Variants in CDH9 observed in about 807,000 individuals in gnomAD.
The protein encoded by CDH9 is cadherin 9.
In CDH9, 28 loss-of-function variants were observed where a neutral mutation model predicts 70.9. The observed-to-expected ratio is 0.40, with a 90% CI of 0.29 to 0.54. CDH9 has a LOEUF of 0.54. Ranked by LOEUF, CDH9 falls within the 20% of genes least tolerant of loss-of-function variation. The pLI, the probability that CDH9 is intolerant of heterozygous loss-of-function variation, is 0.59. For missense variants in CDH9, 874 were observed against 984.4 expected (o/e 0.89, Z 1.50); for synonymous variants, 409 against 343.1 (o/e 1.19, Z -2.12).
intron 7 of CDH9, among the ~76,000 whole-genome samples, chr5:26,897,750 A>T (rs1368112059): frequency 6.6e-6 from 1 of 152,178 alleles, no homozygotes; most frequent in African/African-American, 2.4e-5. Context: ...TCCCTTTGAA[A>T]ACTGGCACAA....
intron 1 of CDH9, among the ~76,000 whole-genome samples, chr5:27,005,712 A>T (rs1742851221): frequency 6.6e-6 from 1 of 152,180 alleles, no homozygotes; most frequent in Admixed American, 6.6e-5. Flanking sequence ...AGACACATGT[A>T]TGTGTATGTT....
chr5:27,002,532 A>G (rs1030664206), intron 1 of CDH9, among the ~76,000 whole-genome samples: 2 of 152,194 alleles, frequency 1.3e-5, no homozygotes, highest in African/African-American at 4.8e-5. Context: ...AATGTCCATC[A>G]ATGATAGACT....
At chr5:26,935,602 G>T (rs75251952) in intron 2 of CDH9, among the ~76,000 whole-genome samples, 14,552 of 152,086 alleles carry the variant, frequency 0.096, 875 homozygotes, top group East Asian at 0.17. Context: ...AGTCAAAAAA[G>T]AATAGATGTT....
Position 26,969,649 on chromosome 5 carries a change from A to T in CDH9, c.228+18457T>A, listed in dbSNP as rs141433898. On this transcript the variant is annotated intron_variant, in intron 2 of 11. Coordinates refer to ENST00000231021, the MANE Select transcript of CDH9 (RefSeq NM_016279.4). ...AAGATTCTTGTAAATATTTGTTGTG[A>T]AACTGAAATGTCACAGAGAAGGGCT... Among the ~76,000 whole-genome samples the T allele has an allele frequency of 6.4e-3, 975 of 152,170 alleles. 11 individuals carry two copies. Among genetic ancestry groups the T allele is most frequent in the African/African-American group, 0.022 (916 of 41,552 alleles).
chr5:27,029,299 G>A lies in CDH9; in HGVS notation c.-50+9164C>T, dbSNP rs560338283. 2.6e-5 allele frequency among the ~76,000 whole-genome samples: 4 copies of A among 152,088 alleles called. No individual in the cohort carries two copies. In the South Asian group the frequency reaches 8.3e-4, roughly 32 times the overall value. ...TTCACACAGGGTTAGTTCCTGGTAG[G>A]ATATGATCTATAAAATATTTCTCAC... On this transcript the variant is annotated intron_variant, in intron 1 of 11. Transcript: ENST00000231021.
In CDH9 at chr5:27,003,844, A is replaced by G. The variant is rs79991781; in HGVS notation, c.-49-15462T>C. ...GGAGGTATAAATTAAGGAAATCTGAATAAACTATAAAGTTTAAATATAAAA... is the reference window on the plus strand; with the variant it reads ...GGAGGTATAAATTAAGGAAATCTGAGTAAACTATAAAGTTTAAATATAAAA... On this transcript the variant is annotated intron_variant, in intron 1 of 11. Coordinates refer to ENST00000231021, the MANE Select transcript of CDH9 (RefSeq NM_016279.4). Among the ~76,000 whole-genome samples the G allele has an allele frequency of 2.2e-3, 340 of 152,188 alleles. 3 individuals are homozygous for G. The highest frequency in any genetic ancestry group is 7.9e-3 in the African/African-American group (330 of 41,550).
intron 7 of CDH9, among the ~76,000 whole-genome samples, chr5:26,893,130 C>A (rs1313172541): frequency 1.3e-5 from 2 of 152,150 alleles, no homozygotes; most frequent in African/African-American, 2.4e-5. Context: ...ACTATTTAAT[C>A]TATTGTTTAA....
chr5:27,001,840 A>ACTCT (rs1275615228), intron 1 of CDH9, among the ~76,000 whole-genome samples: 212 of 123,520 alleles, frequency 1.7e-3, no homozygotes, highest in African/African-American at 7.3e-3. Context: ...ACACACACAC[A>ACTCT]CACACTCTCT....
At position 26,905,977 on chromosome 5, in the gene CDH9, G is replaced by T. The variant is rs2111991852; in HGVS notation, c.793C>A (p.Pro265Thr). Residue 265 changes from proline to threonine, a missense_variant, in exon 5 of 12, where the codon CCT becomes ACT. Coordinates refer to ENST00000231021, the MANE Select transcript of CDH9 (RefSeq NM_016279.4). ...NITLTDVNNN[P>T]PRFPQSTYQF... is the part of the protein sequence containing the mutation. ...TTCTTACTCTGGGGAAATCGAGGAGGGTTGTTGTTGACATCTGTCAGCGTG... is the reference window on the plus strand; with the variant it reads ...TTCTTACTCTGGGGAAATCGAGGAGTGTTGTTGTTGACATCTGTCAGCGTG... 1.2e-6 allele frequency: 2 copies of T among 1,613,472 alleles called. No individual in the cohort carries two copies. Among genetic ancestry groups the T allele is most frequent in the Non-Finnish European group, 8.5e-7 (1 of 1,179,506 alleles).
chr5:26,921,461 A>G (rs1741242298), intron 2 of CDH9, among the ~76,000 whole-genome samples: 1 of 152,206 alleles, frequency 6.6e-6, no homozygotes, highest in South Asian at 2.1e-4. Flanking sequence ...CACACCAAGT[A>G]ATAGTCACTG....
chr5:26,890,329 A>G, intron 8 of CDH9, 99 bp downstream of exon 8: 1 of 929,052 alleles, frequency 1.1e-6, no homozygotes, highest in South Asian at 1.5e-5. Flanking sequence ...CTTGCTAAGG[A>G]TACAATCATA....
At chr5:26,973,666 C>A (rs567485095) in intron 2 of CDH9, among the ~76,000 whole-genome samples, 2 of 152,116 alleles carry the variant, frequency 1.3e-5, no homozygotes, top group East Asian at 3.9e-4. Flanking sequence ...TGCCCTGATA[C>A]ATGTTAGGGA....
intron 2 of CDH9, among the ~76,000 whole-genome samples, chr5:26,944,218 T>A (rs577439090): frequency 4.0e-5 from 6 of 148,674 alleles, no homozygotes; most frequent in African/African-American, 1.5e-4. Flanking sequence ...TCTTGCTATA[T>A]CTCACTGATT....
intron 9 of CDH9, among the ~76,000 whole-genome samples, chr5:26,889,514 C>A (rs1740619065): frequency 1.3e-5 from 2 of 152,008 alleles, no homozygotes; most frequent in South Asian, 4.1e-4. Flanking sequence ...TATTTTCATT[C>A]TATTAGTGAA....
rs762327379 is a variant in CDH9, at chr5:26,988,100, T to G, written c.228+6A>C. On this transcript the variant is annotated splice_donor_region_variant and intron_variant, in intron 2 of 11. Transcript: ENST00000231021. ...GCTTTTAGATTTCTCATACAAAAAT[T>G]CTTACCTTGCCTACATATTGTGTGT... 6.3e-7 allele frequency: 1 copy of G among 1,589,172 alleles called. No individual in the cohort carries two copies. Among genetic ancestry groups the G allele is most frequent in the South Asian group, 1.1e-5 (1 of 88,882 alleles).
intron 2 of CDH9, among the ~76,000 whole-genome samples, chr5:26,968,320 C>T (rs1206096689): frequency 1.3e-5 from 2 of 151,454 alleles, no homozygotes; most frequent in Non-Finnish European, 2.9e-5. Context: ...GAGTCTTGCT[C>T]TGTTGCCCAG....
intron 1 of CDH9, among the ~76,000 whole-genome samples, chr5:26,990,034 A>G (rs552852943): frequency 6.6e-6 from 1 of 152,314 alleles, no homozygotes; most frequent in Admixed American, 6.5e-5. Context: ...TATTAGAACC[A>G]GGTTTCAGAC....
chr5:26,924,531 T>A (rs1381666976), intron 2 of CDH9, among the ~76,000 whole-genome samples: 2 of 148,136 alleles, frequency 1.4e-5, no homozygotes, highest in African/African-American at 5.1e-5. Flanking sequence ...ATATATATAT[T>A]ATATATATAA....
intron 7 of CDH9, among the ~76,000 whole-genome samples, chr5:26,897,215 A>G (rs1227465800): frequency 6.6e-6 from 1 of 152,128 alleles, no homozygotes; most frequent in African/African-American, 2.4e-5. Flanking sequence ...GAACAGACGG[A>G]TTCACAGCCA....
Sources: gnomAD v4.1 joint callset for allele counts (sites outside exome capture counted in the v4.1 genomes callset) on GRCh38, gnomAD v4.1.1 for gene constraint, MANE v1.5 for transcripts, NCBI Gene and HGNC (gene_info 2026-07-23, HGNC 2026-07-21) for gene names.